The following LDB2 variants were observed in gnomAD, a reference collection of about 807,000 sequenced individuals.
LDB2 encodes the protein LIM domain-binding protein 2.
In LDB2, 12 loss-of-function variants were observed where a neutral mutation model predicts 44.3. That is an observed-to-expected ratio of 0.27 (90% CI 0.17 to 0.44). The LOEUF (loss-of-function observed/expected upper bound fraction) is 0.44. Among genes scored for constraint, LDB2 ranks in the 20% least tolerant of loss-of-function variants. The probability of loss-of-function intolerance (pLI) is 1.00; values close to 1 mark genes in which losing one functional copy is unlikely to be tolerated. For missense variants in LDB2, 344 were observed against 473.5 expected (o/e 0.73, Z 2.54); for synonymous variants, 164 against 174.8 (o/e 0.94, Z 0.49).
intron 5 of LDB2, among the ~76,000 whole-genome samples, chr4:16,581,027 A>C (rs1346370556): frequency 1.3e-5 from 2 of 152,222 alleles, no homozygotes; most frequent in Non-Finnish European, 2.9e-5. Flanking sequence ...GAGTTAGAAG[A>C]AGCTTTCATT....
intron 5 of LDB2, among the ~76,000 whole-genome samples, chr4:16,515,449 G>C (rs1385790423): frequency 6.6e-6 from 1 of 152,158 alleles, no homozygotes; most frequent in East Asian, 1.9e-4. Context: ...AAGATGCTTT[G>C]CTACTACAAA....
At chr4:16,763,317 G>A (rs56677626) in intron 1 of LDB2, among the ~76,000 whole-genome samples, 1 of 152,204 alleles carries the variant, frequency 6.6e-6, no homozygotes, top group African/African-American at 2.4e-5. Flanking sequence ...ACTTTACAAA[G>A]TTGTCCGGAG....
At chr4:16,515,892 C>G (rs986329156) in intron 5 of LDB2, among the ~76,000 whole-genome samples, 27 of 151,924 alleles carry the variant, frequency 1.8e-4, no homozygotes, top group African/African-American at 6.5e-4. Context: ...TTGAGACAGT[C>G]TCGCTCTGTC....
intron 2 of LDB2, among the ~76,000 whole-genome samples, chr4:16,604,497 A>T (rs1723406268): frequency 6.7e-6 from 1 of 149,664 alleles, no homozygotes; most frequent in Non-Finnish European, 1.5e-5. Context: ...ATATAGCAAT[A>T]ACTTTGCAAT....
intron 7 of LDB2, chr4:16,503,261 C>T (rs929102310): frequency 1.1e-6 from 1 of 899,580 alleles, no homozygotes; most frequent in Non-Finnish European, 1.7e-6. Flanking sequence ...AAAAATCTGC[C>T]ACTTTTATTT....
intron 5 of LDB2, among the ~76,000 whole-genome samples, chr4:16,516,352 A>G (rs191991763): frequency 6.6e-6 from 1 of 152,372 alleles, no homozygotes; most frequent in Admixed American, 6.5e-5. Context: ...GCAAGCATGC[A>G]TAGGTTGCAA....
intron 2 of LDB2, among the ~76,000 whole-genome samples, chr4:16,739,716 A>G (rs1233944385): frequency 2.5e-5 from 3 of 120,050 alleles, no homozygotes; most frequent in African/African-American, 9.7e-5. Flanking sequence ...GTATATATGT[A>G]TATATACATA....
rs1257751695 is a variant in LDB2 at position 16,749,204 on chromosome 4, T to A, written c.235+9954A>T. Among the ~76,000 whole-genome samples the A allele has an allele frequency of 2.0e-5, 3 of 150,886 alleles. No homozygotes were observed. In the East Asian group the frequency reaches 5.8e-4, roughly 29 times the overall value. On this transcript the variant is annotated intron_variant, in intron 2 of 7. Transcript: ENST00000304523. ...GTGGTGAAATACTCTAGCAATCTCA[T>A]GGTCCAAAGCACCAAAGACAAAAAA...
intron 2 of LDB2, among the ~76,000 whole-genome samples, chr4:16,734,928 C>T (rs1179994163): frequency 1.3e-5 from 2 of 151,744 alleles, no homozygotes; most frequent in African/African-American, 4.9e-5. Context: ...AGGCTGGTCT[C>T]GAACTCCTGA....
chr4:16,653,185 A>C (rs1180442764), intron 2 of LDB2, among the ~76,000 whole-genome samples: 1 of 152,066 alleles, frequency 6.6e-6, no homozygotes, highest in African/African-American at 2.4e-5. Flanking sequence ...CTGACTGGAG[A>C]GAACTAAGTC....
chr4:16,885,804 T>C (rs1721504263), intron 1 of LDB2, among the ~76,000 whole-genome samples: 1 of 151,656 alleles, frequency 6.6e-6, no homozygotes. Context: ...GGATAGGGAG[T>C]GAGAGAGAGG....
intron 1 of LDB2, among the ~76,000 whole-genome samples, chr4:16,800,408 G>T (rs6449269): frequency 0.034 from 5,110 of 152,222 alleles, 283 homozygotes; most frequent in African/African-American, 0.11. Flanking sequence ...TAGGGTCCTT[G>T]GAATTCTCCT....
At chr4:16,853,140 T>C (rs548197666) in intron 1 of LDB2, among the ~76,000 whole-genome samples, 36 of 152,326 alleles carry the variant, frequency 2.4e-4, no homozygotes, top group African/African-American at 8.7e-4. Context: ...AGAAGGCATG[T>C]TTTTTAATTT....
chr4:16,763,439 TACAC>T (rs56114847), intron 1 of LDB2, among the ~76,000 whole-genome samples: 3,555 of 141,168 alleles, frequency 0.025, 148 homozygotes, highest in African/African-American at 0.084. Context: ...TGTAAACACG[TACAC>T]ACACACACAC....
At chr4:16,854,504 TAC>T (rs61445499) in intron 1 of LDB2, among the ~76,000 whole-genome samples, 2,151 of 145,202 alleles carry the variant, frequency 0.015, 35 homozygotes, top group African/African-American at 0.045. Context: ...TAAATATAAA[TAC>T]ACACACACAC....
intron 2 of LDB2, among the ~76,000 whole-genome samples, chr4:16,664,081 G>T (rs1054727604): frequency 6.6e-6 from 1 of 152,154 alleles, no homozygotes; most frequent in East Asian, 1.9e-4. Context: ...TAGTCTGAAG[G>T]TCTGTGTCCC....
At chr4:16,739,196 A>G (rs971340581) in intron 2 of LDB2, among the ~76,000 whole-genome samples, 3 of 152,138 alleles carry the variant, frequency 2.0e-5, no homozygotes, top group Admixed American at 2.0e-4. Context: ...TTTTGATGAT[A>G]TAAGTATTTA....
At chr4:16,674,398 AC>A in intron 2 of LDB2, 1 of 543,772 alleles carries the variant, frequency 1.8e-6, no homozygotes, top group Non-Finnish European at 3.2e-6. Flanking sequence ...AGAAGCAGGG[AC>A]CCCAGCTCTC....
intron 2 of LDB2, among the ~76,000 whole-genome samples, chr4:16,618,258 T>G (rs1727902953): frequency 6.6e-6 from 1 of 152,156 alleles, no homozygotes; most frequent in Admixed American, 6.5e-5. Flanking sequence ...CGTCTGACAC[T>G]TCTAACAAGT....
Sources: gnomAD v4.1 joint callset for allele counts (sites outside exome capture counted in the v4.1 genomes callset) on GRCh38, gnomAD v4.1.1 for gene constraint, MANE v1.5 for transcripts, NCBI Gene and HGNC (gene_info 2026-07-23, HGNC 2026-07-21) for gene names.